The following CHRM3 variants were observed in gnomAD, a reference collection of about 807,000 sequenced individuals.
CHRM3 encodes the protein cholinergic receptor muscarinic 3.
A neutral mutation model predicts 41.8 loss-of-function variants in CHRM3; 11 were observed. The ratio of observed to expected loss-of-function variants is 0.26; its 90% CI spans 0.17 to 0.44. CHRM3 has a LOEUF of 0.44. CHRM3 is among the 20% of genes least tolerant of loss of function. The probability of loss-of-function intolerance (pLI) is 1.00; values close to 1 mark genes in which losing one functional copy is unlikely to be tolerated. For synonymous variants in CHRM3, 297 were observed against 301.4 expected (o/e 0.99, Z 0.15); for missense variants, 571 against 745.4 (o/e 0.77, Z 2.72).
intron 1 of CHRM3, among the ~76,000 whole-genome samples, chr1:239,477,307 A>G (rs918453465): frequency 2.6e-5 from 4 of 152,240 alleles, no homozygotes; most frequent in African/African-American, 9.6e-5. Context: ...TAGTATAAAG[A>G]GAGCATGTAG....
chr1:239,858,866 A>G (rs1483108402), intron 6 of CHRM3, among the ~76,000 whole-genome samples: 2 of 152,186 alleles, frequency 1.3e-5, no homozygotes, highest in African/African-American at 2.4e-5. Flanking sequence ...GTATGTGACC[A>G]TTGGTGTCTA....
At chr1:239,430,688 TAC>T (rs1257129313) in intron 1 of CHRM3, among the ~76,000 whole-genome samples, 9 of 118,244 alleles carry the variant, frequency 7.6e-5, no homozygotes, top group Non-Finnish European at 9.4e-5. Flanking sequence ...TATATATATA[TAC>T]ACACACACAC....
Position 239,715,365 on chromosome 1 carries a change from G to A in CHRM3, c.-147+37077G>A, listed in dbSNP as rs769520150. Among the ~76,000 whole-genome samples, 14 of 152,218 alleles carry A rather than the reference G, an allele frequency of 9.2e-5. No homozygotes were observed. The South Asian group carries it at 1.2e-3, about 14-fold the overall frequency. ...TTTATTTGTTTTGTTTTGAGAAGGC[G>A]TGTGTGCAGTGGTGTTCTGATAAAC... On this transcript the variant is annotated intron_variant, in intron 5 of 6. Transcript: ENST00000676153.
At chr1:239,430,112 G>A (rs753029167) in intron 1 of CHRM3, among the ~76,000 whole-genome samples, 8 of 151,070 alleles carry the variant, frequency 5.3e-5, no homozygotes, top group South Asian at 2.1e-4. Flanking sequence ...GACTACAGGC[G>A]CCCACCACCA....
At chr1:239,725,496 T>G (rs976314295) in intron 5 of CHRM3, among the ~76,000 whole-genome samples, 3 of 151,974 alleles carry the variant, frequency 2.0e-5, no homozygotes, top group Non-Finnish European at 4.4e-5. Context: ...GATGTTTCTA[T>G]GCCAAAATGT....
At chr1:239,766,214 T>C (rs575169674) in intron 5 of CHRM3, among the ~76,000 whole-genome samples, 1 of 152,194 alleles carries the variant, frequency 6.6e-6, no homozygotes, top group African/African-American at 2.4e-5. Context: ...GGGCTTATTA[T>C]CAAATGTAGG....
Position 239,548,744 on chromosome 1 carries a change from GCTGTCCTGCCCT to G in CHRM3, c.-313+2997_-313+3008del, listed in dbSNP as rs369474857. ...GAGATGCCCATGGCACTGATGTGAT[GCTGTCCTGCCCT>G]CCCAGGGCCTGCAGCATGCCATACT... On this transcript the variant is annotated intron_variant, in intron 3 of 6. Transcript: ENST00000676153. Among the ~76,000 whole-genome samples the G allele has an allele frequency of 2.7e-3, 404 of 152,332 alleles. 1 individual carries two copies. The highest frequency in any genetic ancestry group is 8.8e-3 in the African/African-American group (367 of 41,580).
chr1:239,858,334 T>G (rs1245936422), intron 6 of CHRM3, among the ~76,000 whole-genome samples: 1 of 152,140 alleles, frequency 6.6e-6, no homozygotes, highest in Non-Finnish European at 1.5e-5. Context: ...CGGTTTTAGC[T>G]TTTATTGTCA....
chr1:239,516,353 G>C (rs1016960540), intron 2 of CHRM3, among the ~76,000 whole-genome samples: 1 of 151,996 alleles, frequency 6.6e-6, no homozygotes, highest in African/African-American at 2.4e-5. Flanking sequence ...CTGTAAAATG[G>C]GCATCACGAT....
At chr1:239,901,474 A>G (rs1340144092) in intron 6 of CHRM3, among the ~76,000 whole-genome samples, 1 of 151,954 alleles carries the variant, frequency 6.6e-6, no homozygotes. Flanking sequence ...CTATCCTTCT[A>G]TGACAATTTT....
At chr1:239,571,307 G>A (rs899831325) in intron 3 of CHRM3, among the ~76,000 whole-genome samples, 1 of 152,100 alleles carries the variant, frequency 6.6e-6, no homozygotes, top group African/African-American at 2.4e-5. Flanking sequence ...AAAGTTTCTG[G>A]GAAGTATTTT....
At chr1:239,469,928 T>C (rs1399102569) in intron 1 of CHRM3, among the ~76,000 whole-genome samples, 1 of 152,158 alleles carries the variant, frequency 6.6e-6, no homozygotes, top group Admixed American at 6.5e-5. Context: ...CCTGACTTAC[T>C]GCCTAGCCCC....
At chr1:239,498,619 C>T (rs1388656381) in intron 2 of CHRM3, among the ~76,000 whole-genome samples, 4 of 152,116 alleles carry the variant, frequency 2.6e-5, no homozygotes, top group East Asian at 1.9e-4. Context: ...AGAAAACTCT[C>T]TCTCTTACTG....
intron 1 of CHRM3, among the ~76,000 whole-genome samples, chr1:239,440,023 C>T (rs10159110): frequency 0.022 from 3,275 of 151,598 alleles, 133 homozygotes; most frequent in African/African-American, 0.072. Flanking sequence ...CATGGTGAAA[C>T]CCTGTCTCTA....
chr1:239,887,128 T>C (rs1218342435), intron 6 of CHRM3, among the ~76,000 whole-genome samples: 1 of 152,118 alleles, frequency 6.6e-6, no homozygotes, highest in Non-Finnish European at 1.5e-5. Flanking sequence ...GAATCCACTT[T>C]CTTCTTCTTT....
At chr1:239,426,531 G>C (rs992647958) in intron 1 of CHRM3, among the ~76,000 whole-genome samples, 1 of 151,812 alleles carries the variant, frequency 6.6e-6, no homozygotes, top group Non-Finnish European at 1.5e-5. Flanking sequence ...AAGATGAGTG[G>C]GTTCAATGTA....
chr1:239,404,419 AAAG>A (rs1429069667), intron 1 of CHRM3, among the ~76,000 whole-genome samples: 2 of 84,782 alleles, frequency 2.4e-5, no homozygotes, highest in Non-Finnish European at 4.7e-5. Flanking sequence ...AAAAAGAAAG[AAAG>A]AAAGAAAGAA....
chr1:239,810,211 G>A (rs1671011185), intron 5 of CHRM3, among the ~76,000 whole-genome samples: 1 of 152,140 alleles, frequency 6.6e-6, no homozygotes, highest in Non-Finnish European at 1.5e-5. Flanking sequence ...TGAAATGCCA[G>A]CTGTGAGGTA....
intron 3 of CHRM3, among the ~76,000 whole-genome samples, chr1:239,580,522 A>G (rs1662775787): frequency 6.6e-6 from 1 of 151,702 alleles, no homozygotes; most frequent in Admixed American, 6.6e-5. Context: ...CTCACCCAAC[A>G]GAAGAAAGAA....
Sources: allele counts gnomAD v4.1 joint callset (sites outside exome capture counted in the v4.1 genomes callset), GRCh38; gene constraint gnomAD v4.1.1; transcripts MANE v1.5; gene names NCBI Gene and HGNC (gene_info 2026-07-23, HGNC 2026-07-21).